ASMTL: variants seen among roughly 807,000 people sequenced by gnomAD.
ASMTL encodes probable bifunctional dTTP/UTP pyrophosphatase/methyltransferase protein.
Under a neutral mutation model 60.3 loss-of-function variants are expected in ASMTL, and 57 were observed. That is an observed-to-expected ratio of 0.95 (90% CI 0.76 to 1.18). ASMTL has a LOEUF of 1.18. Ranked by LOEUF, ASMTL falls within the 50% of genes most tolerant of loss-of-function variation. ASMTL has a pLI of 0.00. For missense variants in ASMTL, 981 were observed against 852.6 expected (o/e 1.15, Z -1.88); for synonymous variants, 419 against 373.0 (o/e 1.12, Z -1.42).
Position 1,406,619 on chromosome X carries a change from GATGGATGC to G in ASMTL, c.1646-3138_1646-3131del, listed in dbSNP as rs774450602. ...GGGTGAATAGATAGGTAGGTAGGTA[GATGGATGC>G]ATGGATGTGATGGATGGATGGGTGA... On this transcript the variant is annotated intron_variant, in intron 12 of 12. Coordinates refer to ENST00000381317, the MANE Select transcript of ASMTL (RefSeq NM_004192.4). Among the ~76,000 whole-genome samples the G allele has an allele frequency of 3.4e-3, 519 of 151,586 alleles. 4 individuals are homozygous for G. Among genetic ancestry groups the G allele is most frequent in the African/African-American group, 0.012 (493 of 41,058 alleles).
chrX:1,422,614 AGTT>A (rs1402501995), intron 8 of ASMTL, among the ~76,000 whole-genome samples: 1 of 152,030 alleles, frequency 6.6e-6, no homozygotes, highest in Non-Finnish European at 1.5e-5. Context: ...AAGGTGGAGA[AGTT>A]GTTGGTGGAG....
chrX:1,432,472 G>A lies in ASMTL; in HGVS notation c.401-95C>T. 7 of 866,836 alleles carry A rather than the reference G, an allele frequency of 8.1e-6. 1 individual carries two copies. In the South Asian group the frequency reaches 9.8e-5, roughly 12 times the overall value. 53.7% of individuals were successfully genotyped at this position (866,836 alleles called of 1,614,324 possible). A position where few individuals can be genotyped will look rare whatever the true frequency, so the allele number is the denominator to read the frequency against. On this transcript the variant is annotated intron_variant, in intron 5 of 12. Transcript: ENST00000381317. The stretch of plus-strand genomic sequence containing the variant: ...GGCTGTGCTGTGGAGGTGTGTACTC[G>A]AGCGCAGCGCACAGTTCAGATATGG...
Position 1,404,295 on chromosome X carries a change from A to G in ASMTL, c.1646-806T>C, listed in dbSNP as rs776085138. Among the ~76,000 whole-genome samples, 5 of 146,176 alleles carry G rather than the reference A, an allele frequency of 3.4e-5. No individual in the cohort carries two copies. In the South Asian group the frequency reaches 1.1e-3, roughly 33 times the overall value. ...GATGAGATGGATGGATGGATGGGTG[A>G]ATAGATGGTAGATCATGGGTACATA... On this transcript the variant is annotated intron_variant, in intron 12 of 12. Coordinates refer to ENST00000381317, the MANE Select transcript of ASMTL (RefSeq NM_004192.4).
chrX:1,428,545 G>A (rs745474363), intron 6 of ASMTL, among the ~76,000 whole-genome samples: 2 of 151,328 alleles, frequency 1.3e-5, no homozygotes, highest in East Asian at 3.9e-4. Flanking sequence ...TACCCAGGAG[G>A]CTGAGACAGG....
At chrX:1,452,287 G>A (rs1396008104) in intron 1 of ASMTL, among the ~76,000 whole-genome samples, 3 of 148,116 alleles carry the variant, frequency 2.0e-5, no homozygotes, top group Non-Finnish European at 3.0e-5. Context: ...ATCCCTAGGG[G>A]GGGTCTCGGC....
intron 6 of ASMTL, among the ~76,000 whole-genome samples, chrX:1,431,286 AT>A (rs2090777118): frequency 7.7e-6 from 1 of 129,264 alleles, no homozygotes; most frequent in African/African-American, 2.9e-5. Flanking sequence ...TATAAATAAA[AT>A]TAAATATATA....
In ASMTL at chrX:1,403,337, G is replaced by A. The variant is rs2089664467; in HGVS notation, c.1798C>T (p.His600Tyr). 2 of 1,613,372 alleles carry A rather than the reference G, an allele frequency of 1.2e-6. No homozygotes were observed. Among genetic ancestry groups the A allele is most frequent in the South Asian group, 2.2e-5 (2 of 91,080 alleles). Residue 600 changes from histidine (H) to tyrosine (Y), a missense_variant, in exon 13 of 13, where the codon CAC becomes TAC. Transcript: ENST00000381317. ...YQCLLELHGF[H>Y]QVQVVHLGGV... ...CCCAAGTGCACCACCTGCACCTGGT[G>A]GAAGCCGTGCAGCTCCAGCAAGCAC... is the stretch of plus-strand genomic sequence containing the variant.
At chrX:1,437,737 A>G (rs1373055847) in intron 3 of ASMTL, among the ~76,000 whole-genome samples, 1 of 151,790 alleles carries the variant, frequency 6.6e-6, no homozygotes, top group Non-Finnish European at 1.5e-5. Flanking sequence ...CTCTACTAAA[A>G]ATACAAAAAA....
Position 1,418,058 on chromosome X carries a change from A to T in ASMTL, c.1437T>A (p.Thr479=). 6.2e-7 allele frequency: 1 copy of T among 1,613,456 alleles called. No individual in the cohort carries two copies. Among genetic ancestry groups the T allele is most frequent in the Middle Eastern group, 1.7e-4 (1 of 6,052 alleles). Residue 479 remains threonine (T), a synonymous_variant, in exon 11 of 13, where the codon ACT becomes ACA. Transcript: ENST00000381317. Reference sequence around the variant, plus strand: ...CGATAATGTCTGGGAGGTCAAACACAGTCACCTGCATACGAGGGTACTCAC... The same window carrying T: ...CGATAATGTCTGGGAGGTCAAACACTGTCACCTGCATACGAGGGTACTCAC... ...LAREYPRMQV[T]VFDLPDIIEL...
chrX:1,416,987 CCA>C (rs1389946535), intron 11 of ASMTL, among the ~76,000 whole-genome samples: 1 of 143,568 alleles, frequency 7.0e-6, no homozygotes, highest in African/African-American at 2.5e-5. Flanking sequence ...CAAGGACATA[CCA>C]CACAGAGATG....
intron 11 of ASMTL, among the ~76,000 whole-genome samples, chrX:1,415,808 G>A (rs1300563801): frequency 4.6e-5 from 7 of 152,124 alleles, no homozygotes; most frequent in South Asian, 4.1e-4. Context: ...GTGTGGACCC[G>A]CAGAGAGACA....
chrX:1,415,958 C>CACAGATACACTG (rs1367577711), intron 11 of ASMTL, among the ~76,000 whole-genome samples: 1 of 151,890 alleles, frequency 6.6e-6, no homozygotes, highest in Non-Finnish European at 1.5e-5. Context: ...ACATGCAGGA[C>CACAGATACACTG]ACAGATACAC....
At chrX:1,435,347 G>A in intron 4 of ASMTL, 1 of 609,690 alleles carries the variant, frequency 1.6e-6, no homozygotes, top group East Asian at 2.7e-5. Context: ...GGCGGGCAGG[G>A]GGTGCATCTC....
Position 1,427,188 on chromosome X carries a change from G to T in ASMTL, c.897+546C>A, listed in dbSNP as rs1490287079. Among the ~76,000 whole-genome samples the T allele has an allele frequency of 2.0e-5, 3 of 151,744 alleles. No individual in the cohort carries two copies. The South Asian group carries it at 6.2e-4, about 32-fold the overall frequency. ...ACAAAGGCAGAGACTGGAGTGATAC[G>T]GCCACAAGCCCAGGGATGCCTGGAG... On this transcript the variant is annotated intron_variant, in intron 7 of 12. Coordinates refer to ENST00000381317, the MANE Select transcript of ASMTL (RefSeq NM_004192.4).
intron 2 of ASMTL, 92 bp downstream of exon 2, chrX:1,442,094 C>A: frequency 6.9e-7 from 1 of 1,452,582 alleles, no homozygotes; most frequent in South Asian, 1.2e-5. Flanking sequence ...TTTTGAATGA[C>A]GTTTATTTGT....
At chrX:1,444,650 T>C (rs1196741415) in intron 1 of ASMTL, among the ~76,000 whole-genome samples, 1 of 152,148 alleles carries the variant, frequency 6.6e-6, no homozygotes, top group Non-Finnish European at 1.5e-5. Flanking sequence ...TCCTGGATCC[T>C]TTAGAGCCTC....
At position 1,428,002 on chromosome X, in the gene ASMTL, T is replaced by C. The variant is rs373058035; in HGVS notation, c.629A>G (p.Lys210Arg). The C allele has an allele frequency of 1.9e-6, 3 of 1,613,530 alleles. No homozygotes were observed. The Admixed American group carries it at 5.0e-5, about 27-fold the overall frequency. The change falls in exon 7 of 13, where the codon AAG becomes AGG. Residue 210 changes from lysine to arginine, a missense_variant. Lys to Arg is a conservative substitution (Grantham distance 26, BLOSUM62 2). Transcript: ENST00000381317. ...PLNHFCKQLV[K>R]LYYPPRPEDL... Reference sequence around the variant, plus strand: ...CTCCGGACGGGGCGGGTAGTAGAGCTTCACCAGCTGCTTGCAGAAGTGGTT... The same window carrying C: ...CTCCGGACGGGGCGGGTAGTAGAGCCTCACCAGCTGCTTGCAGAAGTGGTT...
intron 11 of ASMTL, among the ~76,000 whole-genome samples, chrX:1,415,443 TTTTA>T (rs2090205128): frequency 6.7e-6 from 1 of 148,794 alleles, no homozygotes; most frequent in Non-Finnish European, 1.5e-5. Flanking sequence ...ACCTGTTTAT[TTTTA>T]TTTATCATTA....
chrX:1,433,818 G>A (rs1383990736), intron 5 of ASMTL, among the ~76,000 whole-genome samples: 1 of 152,154 alleles, frequency 6.6e-6, no homozygotes, highest in African/African-American at 2.4e-5. Context: ...CCTGCGCTGT[G>A]CCTGGCTTCT....
Sources: gnomAD v4.1 joint callset for allele counts (sites outside exome capture counted in the v4.1 genomes callset) on GRCh38, gnomAD v4.1.1 for gene constraint, MANE v1.5 for transcripts, NCBI Gene and HGNC (gene_info 2026-07-23, HGNC 2026-07-21) for gene names.